The following NHEJ1 variants were observed in gnomAD, a reference collection of about 807,000 sequenced individuals.
The protein encoded by NHEJ1 is non-homologous end-joining factor 1.
Under a neutral mutation model 39.4 loss-of-function variants are expected in NHEJ1, and 22 were observed. The ratio of observed to expected loss-of-function variants is 0.56; its 90% CI spans 0.40 to 0.80. The LOEUF (loss-of-function observed/expected upper bound fraction) is 0.80, where lower values mean the gene tolerates loss of function less well. Ranked by LOEUF, NHEJ1 falls within the 30% of genes least tolerant of loss-of-function variation. The probability of loss-of-function intolerance (pLI) is 0.00; values close to 1 mark genes in which losing one functional copy is unlikely to be tolerated. For synonymous variants in NHEJ1, 154 were observed against 135.6 expected, an observed-to-expected ratio of 1.14 and a Z score of -0.94; for missense variants, 329 against 357.1, an observed-to-expected ratio of 0.92 and a Z score of 0.63.
At chr2:219,159,618 C>T (rs5006768) in intron 1 of NHEJ1, among the ~76,000 whole-genome samples, 58,979 of 107,816 alleles carry the variant, frequency 0.55, 18,477 homozygotes, top group Non-Finnish European at 0.66. Flanking sequence ...TATACATATA[C>T]GTGGTGATCT....
At chr2:219,140,295 T>C (rs1292271754) in intron 5 of NHEJ1, among the ~76,000 whole-genome samples, 3 of 152,222 alleles carry the variant, frequency 2.0e-5, no homozygotes, top group Non-Finnish European at 4.4e-5. Context: ...GTAAAGTCTT[T>C]GGATTTTACT....
chr2:219,127,436 T>C (rs1312351291), intron 5 of NHEJ1, among the ~76,000 whole-genome samples: 3 of 152,196 alleles, frequency 2.0e-5, no homozygotes, highest in Non-Finnish European at 4.4e-5. Context: ...AGCTGTCCTA[T>C]TGACCTGGGA....
At chr2:219,147,839 G>A (rs902982250) in intron 3 of NHEJ1, 44 bp from the exon 4 acceptor site, 4 of 1,606,612 alleles carry the variant, frequency 2.5e-6, no homozygotes, top group Non-Finnish European at 3.4e-6. Flanking sequence ...CTCTTATAAA[G>A]TACTTTCCAA....
intron 5 of NHEJ1, among the ~76,000 whole-genome samples, chr2:219,131,058 C>T (rs1216793935): frequency 6.6e-6 from 1 of 152,154 alleles, no homozygotes. Flanking sequence ...CACCACTGCA[C>T]TCCAGCTTGG....
chr2:219,153,849 T>G (rs1949823444), intron 3 of NHEJ1, among the ~76,000 whole-genome samples: 1 of 152,232 alleles, frequency 6.6e-6, no homozygotes, highest in Non-Finnish European at 1.5e-5. Context: ...TTCTCCTCTT[T>G]CCTGTACAGC....
chr2:219,089,809 C>CT (rs1949145334), intron 5 of NHEJ1, among the ~76,000 whole-genome samples: 1 of 152,182 alleles, frequency 6.6e-6, no homozygotes, highest in African/African-American at 2.4e-5. Flanking sequence ...TTCTCCCCAT[C>CT]TTTTTTGCCT....
At chr2:219,077,416 A>C in intron 6 of NHEJ1, 52 bp from the exon 7 acceptor site, 2 of 1,346,614 alleles carry the variant, frequency 1.5e-6, no homozygotes, top group East Asian at 4.6e-5. Flanking sequence ...TCTTCTTACC[A>C]GGAAGATATT....
At chr2:219,086,355 C>T (rs1364907287) in intron 5 of NHEJ1, among the ~76,000 whole-genome samples, 4 of 152,152 alleles carry the variant, frequency 2.6e-5, no homozygotes, top group Admixed American at 6.5e-5. Context: ...CTAGAACCTA[C>T]ACTTGAATCT....
chr2:219,096,956 C>G (rs1418737136), intron 5 of NHEJ1, among the ~76,000 whole-genome samples: 1 of 152,210 alleles, frequency 6.6e-6, no homozygotes, highest in Non-Finnish European at 1.5e-5. Flanking sequence ...TAAAGAATCA[C>G]TCCAGCTTCC....
rs1449854779 is a variant in NHEJ1, at chr2:219,071,402, A to G, written c.*4979T>C. On this transcript the variant is annotated 3_prime_UTR_variant, in exon 8 of 8. Coordinates refer to ENST00000356853, the MANE Select transcript of NHEJ1 (RefSeq NM_024782.3). ...GGAGGCCGTTGGTTGAAATTTAACC[A>G]CAATATTCTCGGTCTCTATTGTTTT... Among the ~76,000 whole-genome samples, 2 of 152,246 alleles carry G rather than the reference A, an allele frequency of 1.3e-5. No individual in the cohort carries two copies. The highest frequency in any genetic ancestry group is 3.9e-4 in the East Asian group (2 of 5,180).
At chr2:219,154,288 A>G (rs1271120608) in intron 3 of NHEJ1, among the ~76,000 whole-genome samples, 1 of 152,184 alleles carries the variant, frequency 6.6e-6, no homozygotes, top group Non-Finnish European at 1.5e-5. Flanking sequence ...ACATAGATAT[A>G]TATTTGGTCG....
intron 5 of NHEJ1, chr2:219,095,291 G>A (rs775561338): frequency 3.8e-5 from 18 of 470,610 alleles, no homozygotes; most frequent in African/African-American, 8.0e-5. Flanking sequence ...AAAAGAGACC[G>A]ATGCAGCATG....
chr2:219,090,592 C>T (rs1203179620), intron 5 of NHEJ1, among the ~76,000 whole-genome samples: 7 of 152,150 alleles, frequency 4.6e-5, no homozygotes, highest in Non-Finnish European at 8.8e-5. Flanking sequence ...TGTTCCTCAC[C>T]TCTAGCCACA....
chr2:219,080,258 C>T (rs562124237), intron 5 of NHEJ1, among the ~76,000 whole-genome samples: 52 of 152,160 alleles, frequency 3.4e-4, no homozygotes, highest in Non-Finnish European at 3.8e-4. Context: ...TAGACATGGC[C>T]GGGCATGGTG....
At chr2:219,103,298 C>A (rs1248205626) in intron 5 of NHEJ1, among the ~76,000 whole-genome samples, 1 of 150,892 alleles carries the variant, frequency 6.6e-6, no homozygotes, top group Non-Finnish European at 1.5e-5. Context: ...TTCTTTGAGA[C>A]AGAGTCTTGC....
At chr2:219,145,213 C>T (rs116408313) in intron 5 of NHEJ1, among the ~76,000 whole-genome samples, 4,464 of 148,226 alleles carry the variant, frequency 0.03, 130 homozygotes, top group Admixed American at 0.067. Context: ...AGTGAGGCTT[C>T]GTTTCAAAAA....
chr2:219,140,739 T>C (rs1007094371), intron 5 of NHEJ1, among the ~76,000 whole-genome samples: 1 of 152,180 alleles, frequency 6.6e-6, no homozygotes. Context: ...AACTTCTTCA[T>C]GAAAATGTTA....
rs1949001827 is a variant in NHEJ1, at chr2:219,075,298, G to A, written c.*1083C>T. The A allele has an allele frequency of 6.6e-6, 1 of 152,080 alleles. No homozygotes were observed. The highest frequency in any genetic ancestry group is 2.4e-5 in the African/African-American group (1 of 41,406). 9.4% of individuals were successfully genotyped at this position (152,080 alleles called of 1,614,324 possible). A position where few individuals can be genotyped will look rare whatever the true frequency, so the allele number is the denominator to read the frequency against. On this transcript the variant is annotated 3_prime_UTR_variant, in exon 8 of 8. Coordinates refer to ENST00000356853, the MANE Select transcript of NHEJ1 (RefSeq NM_024782.3). ...TTAGAGTAGCTGGTATACATTAACT[G>A]CTCAATAAATGTTAGCTATTTATTA... is the stretch of plus-strand genomic sequence containing the variant.
intron 1 of NHEJ1, chr2:219,159,324 T>C (rs974641139): frequency 6.6e-6 from 1 of 151,978 alleles, no homozygotes. Flanking sequence ...AGAATGTGAT[T>C]GTTTTTCCTG....
Sources: gnomAD v4.1 joint callset for allele counts (sites outside exome capture counted in the v4.1 genomes callset) on GRCh38, gnomAD v4.1.1 for gene constraint, MANE v1.5 for transcripts, NCBI Gene and HGNC (gene_info 2026-07-23, HGNC 2026-07-21) for gene names.